Variants in SENP6 observed in about 807,000 individuals in gnomAD.
SENP6 encodes the protein sentrin-specific protease 6.
A neutral mutation model predicts 134.5 loss-of-function variants in SENP6; 41 were observed. That is an observed-to-expected ratio of 0.30 (90% CI 0.24 to 0.40). The LOEUF is 0.40. Ranked by LOEUF, SENP6 falls within the 10% of genes least tolerant of loss-of-function variation. The pLI, the probability that SENP6 is intolerant of heterozygous loss-of-function variation, is 1.00. For synonymous variants in SENP6, 395 were observed against 429.8 expected (o/e 0.92, Z 1.00); for missense variants, 1,248 against 1,312.5 (o/e 0.95, Z 0.76).
chr6:75,705,168 C>T lies in SENP6; in HGVS notation c.2716+2096C>T, dbSNP rs570906695. Among the ~76,000 whole-genome samples the T allele has an allele frequency of 3.9e-5, 6 of 152,290 alleles. No individual in the cohort carries two copies. The East Asian group carries it at 9.6e-4, about 24-fold the overall frequency. ...TTTCAGTGGGAAGAGGAGCACTGGTCCAATCTTTGTTTGTTTAAATCTCTC... is the reference window on the plus strand; with the variant it reads ...TTTCAGTGGGAAGAGGAGCACTGGTTCAATCTTTGTTTGTTTAAATCTCTC... On this transcript the variant is annotated intron_variant, in intron 19 of 23. Transcript: ENST00000447266.
At chr6:75,639,389 T>A (rs2756039) in intron 5 of SENP6, among the ~76,000 whole-genome samples, 47,510 of 151,852 alleles carry the variant, frequency 0.31, 8,772 homozygotes, top group Admixed American at 0.48. Context: ...AAATTTTTTT[T>A]AAATTTGTAT....
intron 2 of SENP6, chr6:75,622,824 A>T: frequency 5.4e-6 from 7 of 1,288,444 alleles, no homozygotes; most frequent in Non-Finnish European, 6.1e-6. Flanking sequence ...TGAGATGTTG[A>T]TTTGAAGTTT....
chr6:75,647,157 T>A (rs1259130483), intron 6 of SENP6: 2 of 152,282 alleles, frequency 1.3e-5, no homozygotes, highest in Admixed American at 6.5e-5. Flanking sequence ...GTTCCCCTTC[T>A]GTGATGCGCT....
intron 16 of SENP6, among the ~76,000 whole-genome samples, chr6:75,691,785 G>A (rs535229060): frequency 1.1e-3 from 167 of 151,972 alleles, no homozygotes; most frequent in African/African-American, 3.8e-3. Context: ...TAGTAGAGAC[G>A]GGGTTTCACC....
At chr6:75,635,298 C>T (rs1582723735) in intron 5 of SENP6, among the ~76,000 whole-genome samples, 1 of 151,968 alleles carries the variant, frequency 6.6e-6, no homozygotes, top group East Asian at 1.9e-4. Flanking sequence ...CTGCTTGAGT[C>T]AAAATAATGA....
Position 75,606,881 on chromosome 6 carries a change from G to T in SENP6, c.52+4305G>T, listed in dbSNP as rs1767068400. On this transcript the variant is annotated intron_variant, in intron 1 of 23. Transcript: ENST00000447266. ...AAATCATGAGAATTGGATCTAATCA[G>T]GGTGGTTTGAAGTGGGTATTAGAGA... is the stretch of plus-strand genomic sequence containing the variant. Among the ~76,000 whole-genome samples the T allele has an allele frequency of 3.9e-5, 6 of 152,180 alleles. No homozygotes were observed. In the South Asian group the frequency reaches 1.2e-3, roughly 32 times the overall value.
At chr6:75,631,958 C>T (rs1769143873) in intron 3 of SENP6, among the ~76,000 whole-genome samples, 1 of 152,110 alleles carries the variant, frequency 6.6e-6, no homozygotes, top group African/African-American at 2.4e-5. Context: ...GACTGTCACC[C>T]ACACTTTGAT....
chr6:75,708,757 G>A (rs1775570712), intron 19 of SENP6, among the ~76,000 whole-genome samples: 1 of 152,136 alleles, frequency 6.6e-6, no homozygotes, highest in Non-Finnish European at 1.5e-5. Flanking sequence ...GCCAGGCATG[G>A]TGGTATGTAC....
chr6:75,667,977 C>G (rs368673069), intron 10 of SENP6, among the ~76,000 whole-genome samples: 3 of 152,098 alleles, frequency 2.0e-5, no homozygotes, highest in East Asian at 1.9e-4. Context: ...AAATAATAAA[C>G]TTGTATGTTA....
chr6:75,640,708 A>G lies in SENP6; in HGVS notation c.479+4A>G, dbSNP rs761575033. 1 of 1,499,640 alleles carries G rather than the reference A, an allele frequency of 6.7e-7. No individual in the cohort carries two copies. The highest frequency in any genetic ancestry group is 9.0e-7 in the Non-Finnish European group (1 of 1,113,270). The allele number at this position is 1,499,640 out of a possible 1,614,324, so 92.9% of individuals were successfully genotyped here. A position where few individuals can be genotyped will look rare whatever the true frequency, so the allele number is the denominator to read the frequency against. On this transcript the variant is annotated splice_donor_region_variant and intron_variant, in intron 6 of 23. Coordinates refer to ENST00000447266, the MANE Select transcript of SENP6 (RefSeq NM_015571.4). ...GCAGTCTGGACCGAAAAGAAAGGTA[A>G]GCTTAATATTGAAGAAATTAGAGCA... is the stretch of plus-strand genomic sequence containing the variant.
At chr6:75,602,963 A>G (rs1436701691) in intron 1 of SENP6, among the ~76,000 whole-genome samples, 2 of 152,186 alleles carry the variant, frequency 1.3e-5, no homozygotes, top group African/African-American at 2.4e-5. Flanking sequence ...GTTGGGTGCA[A>G]CTGGGGACCA....
intron 23 of SENP6, 38 bp downstream of exon 23, chr6:75,713,863 T>C: frequency 1.4e-6 from 2 of 1,422,580 alleles, no homozygotes; most frequent in Non-Finnish European, 1.9e-6. Context: ...TAATAAATAA[T>C]AAAATAGTGC....
At position 75,670,678 on chromosome 6, in the gene SENP6, A is replaced by G; in HGVS notation, c.1350A>G (p.Ile450Met). ...GTGTCATTTTAAACTGTCGAAGTAT[A>G]CGAGTAGGAACACTCTTCCGGCTGT... Reference protein sequence around the residue: ...FDSVILNCRSIRVGTLFRLLI... With the variant: ...FDSVILNCRSMRVGTLFRLLI... The change falls in exon 11 of 24, where the codon ATA (isoleucine) becomes ATG (methionine). Residue 450 changes from isoleucine (I) to methionine (M), a missense_variant. By Grantham distance (10) the Ile-to-Met change is conservative. Coordinates refer to ENST00000447266, the MANE Select transcript of SENP6 (RefSeq NM_015571.4). 27 of 1,612,966 alleles carry G rather than the reference A, an allele frequency of 1.7e-5. No individual in the cohort carries two copies. Among genetic ancestry groups the G allele is most frequent in the Non-Finnish European group, 2.2e-5 (26 of 1,179,314 alleles).
In SENP6 at chr6:75,650,789, A is replaced by T. The variant is rs1375694088; in HGVS notation, c.550+2988A>T. The stretch of plus-strand genomic sequence containing the variant: ...TTATATGAAGATTGCATTTTATTTC[A>T]AGATTTCCTTTGGAGATAACTTTTA... On this transcript the variant is annotated intron_variant, in intron 7 of 23. Coordinates refer to ENST00000447266, the MANE Select transcript of SENP6 (RefSeq NM_015571.4). Among the ~76,000 whole-genome samples, 3 of 152,200 alleles carry T rather than the reference A, an allele frequency of 2.0e-5. No individual in the cohort carries two copies. In the East Asian group the frequency reaches 5.8e-4, roughly 29 times the overall value.
intron 3 of SENP6, among the ~76,000 whole-genome samples, chr6:75,625,941 A>G (rs1252576109): frequency 6.6e-6 from 1 of 152,232 alleles, no homozygotes; most frequent in Non-Finnish European, 1.5e-5. Flanking sequence ...TAGTTTCACA[A>G]TAGTAATACC....
intron 1 of SENP6, among the ~76,000 whole-genome samples, chr6:75,605,761 C>G (rs1391782153): frequency 6.6e-6 from 1 of 151,894 alleles, no homozygotes. Context: ...GAGTTTGGCG[C>G]AAGGGGGTGT....
chr6:75,666,223 A>G (rs1772226113), intron 9 of SENP6, among the ~76,000 whole-genome samples: 1 of 143,428 alleles, frequency 7.0e-6, no homozygotes, highest in Admixed American at 7.1e-5. Flanking sequence ...TAAGTATGAT[A>G]TATATAAAAT....
At chr6:75,630,780 T>A (rs563914600) in intron 3 of SENP6, among the ~76,000 whole-genome samples, 1 of 152,134 alleles carries the variant, frequency 6.6e-6, no homozygotes, top group Non-Finnish European at 1.5e-5. Context: ...TTTTAGTCAT[T>A]ATCTCTGTGG....
intron 11 of SENP6, among the ~76,000 whole-genome samples, chr6:75,675,004 A>T (rs1317024926): frequency 6.6e-6 from 1 of 152,168 alleles, no homozygotes; most frequent in East Asian, 1.9e-4. Context: ...AATAGGCTTA[A>T]TGTGTCTTTT....
Sources: gnomAD v4.1 joint callset for allele counts (sites outside exome capture counted in the v4.1 genomes callset) on GRCh38, gnomAD v4.1.1 for gene constraint, MANE v1.5 for transcripts, NCBI Gene and HGNC (gene_info 2026-07-23, HGNC 2026-07-21) for gene names.